The following PDE4C variants were observed in gnomAD, a reference collection of about 807,000 sequenced individuals.
PDE4C encodes the protein phosphodiesterase 4C.
Under a neutral mutation model 63.9 loss-of-function variants are expected in PDE4C, and 50 were observed. The ratio of observed to expected loss-of-function variants is 0.78; its 90% CI spans 0.62 to 0.99. PDE4C has a LOEUF of 0.99. Among genes scored for constraint, PDE4C ranks in the 50% least tolerant of loss-of-function variants. PDE4C has a pLI of 0.00. For synonymous variants in PDE4C, 377 were observed against 385.1 expected (o/e 0.98, Z 0.25); for missense variants, 777 against 899.1 (o/e 0.86, Z 1.74).
chr19:18,218,577 C>G, intron 9 of PDE4C, 79 bp from the exon 10 acceptor site: 2 of 1,513,406 alleles, frequency 1.3e-6, no homozygotes, highest in South Asian at 2.3e-5. Context: ...CTCTTCTGAA[C>G]TCCTATCTAT....
At chr19:18,228,969 C>A (rs1054005481), upstream of PDE4C, among the ~76,000 whole-genome samples, 11 of 152,094 alleles carry the variant, frequency 7.2e-5, no homozygotes, top group South Asian at 2.3e-3. Context: ...GAGTTTTGCT[C>A]CTGTTGCCCA....
downstream of PDE4C, chr19:18,208,625 G>C (rs1265474657): frequency 2.6e-5 from 4 of 152,202 alleles, no homozygotes; most frequent in Non-Finnish European, 4.4e-5. Flanking sequence ...GAAATGGCCA[G>C]GACACTCAAT....
intron 1 of PDE4C, among the ~76,000 whole-genome samples, chr19:18,239,381 T>C (rs1414243325): frequency 6.6e-6 from 1 of 152,020 alleles, no homozygotes; most frequent in East Asian, 1.9e-4. Context: ...GCGTTGGGAG[T>C]GTGAGCTCTT....
At chr19:18,216,011 G>C (rs1277218385) in intron 12 of PDE4C, among the ~76,000 whole-genome samples, 1 of 151,152 alleles carries the variant, frequency 6.6e-6, no homozygotes, top group Non-Finnish European at 1.5e-5. Flanking sequence ...TGTATTTTTA[G>C]TAAAAACAGG....
intron 1 of PDE4C, among the ~76,000 whole-genome samples, chr19:18,239,552 C>A (rs1277535621): frequency 6.6e-6 from 1 of 152,166 alleles, no homozygotes; most frequent in Non-Finnish European, 1.5e-5. Flanking sequence ...TGTGTGCTGT[C>A]CGCGGTGCTG....
At chr19:18,226,381 CCGGGGACCGGGGCGGGCG>C (rs1330666607) in exon 1 of PDE4C, 52 of 1,468,030 alleles carry the variant, frequency 3.5e-5, no homozygotes, top group Non-Finnish European at 4.6e-5. Context: ...GGAGCCGGGC[CCGGGGACCGGGGCGGGCG>C]CGGGGGGGCC....
chr19:18,213,369 T>C (rs1183496503), exon 13 of PDE4C: 1 of 1,612,756 alleles, frequency 6.2e-7, no homozygotes, highest in African/African-American at 1.3e-5. Context: ...GCTACACACC[T>C]GGATTCGGTC....
chr19:18,219,319 T>C (rs768494960), exon 8 of PDE4C: 11 of 1,613,960 alleles, frequency 6.8e-6, no homozygotes, highest in Admixed American at 1.7e-5. Context: ...GCAGAGCCCA[T>C]GTAGGCCACT....
Position 18,220,456 on chromosome 19 carries a change from G to A in PDE4C, c.559C>T (p.Gln187Ter). The change falls in exon 6 of 15, where the codon CAG becomes TAG. Residue 187 changes from glutamine to a stop codon, truncating the protein, a stop_gained. Coordinates refer to ENST00000262805, the Ensembl canonical transcript of PDE4C. LOFTEE classifies it high-confidence loss of function. The surrounding 1 kb of genome is among the most constrained non-coding windows in gnomAD (Gnocchi z 5.1). ...TGCCGGGTCTGCAGCGTCTCCAACT[G>A]ATCCAGGCACCAGTCCAGCTCGTCT... 2 of 1,614,132 alleles carry A rather than the reference G, an allele frequency of 1.2e-6. No individual in the cohort carries two copies. Among genetic ancestry groups the A allele is most frequent in the Non-Finnish European group, 1.7e-6 (2 of 1,180,026 alleles).
chr19:18,225,860 G>A (rs1968697816), intron 1 of PDE4C: 1 of 176,522 alleles, frequency 5.7e-6, no homozygotes, highest in Non-Finnish European at 1.2e-5. Context: ...GATGCTGGTG[G>A]GAGGGGGCAC....
At chr19:18,247,165 G>A (rs537976518) in intron 1 of PDE4C, among the ~76,000 whole-genome samples, 73 of 152,342 alleles carry the variant, frequency 4.8e-4, no homozygotes, top group Middle Eastern at 3.4e-3. Flanking sequence ...AGGCACAAGG[G>A]ATCTCCTGCT....
intron 1 of PDE4C, among the ~76,000 whole-genome samples, chr19:18,232,555 C>T (rs1450821454): frequency 6.6e-6 from 1 of 152,040 alleles, no homozygotes; most frequent in Non-Finnish European, 1.5e-5. Context: ...GACAGTCACA[C>T]TCAGCCACAT....
exon 1 of PDE4C, chr19:18,233,198 G>A (rs1244634523): frequency 3.9e-6 from 6 of 1,557,216 alleles, no homozygotes; most frequent in Non-Finnish European, 4.3e-6. Context: ...CCATGCGCCA[G>A]AGAAAGGGGT....
chr19:18,251,530 G>C (rs191826261), upstream of PDE4C, among the ~76,000 whole-genome samples: 30 of 151,794 alleles, frequency 2.0e-4, no homozygotes, highest in East Asian at 5.2e-3. Flanking sequence ...TGCCGCCTGG[G>C]TTCAAGCGAT....
At chr19:18,214,301 C>T (rs1968096964) in intron 12 of PDE4C, among the ~76,000 whole-genome samples, 1 of 151,772 alleles carries the variant, frequency 6.6e-6, no homozygotes, top group South Asian at 2.1e-4. Context: ...GTTGACCCTT[C>T]TGGCCTCCTC....
chr19:18,252,154 A>T (rs1431591342), upstream of PDE4C: 1 of 399,074 alleles, frequency 2.5e-6, no homozygotes, highest in Non-Finnish European at 4.4e-6. Context: ...GGGGTCAGGG[A>T]TTCGGAACTG....
exon 2 of PDE4C, chr19:18,222,230 C>T (rs144076818): frequency 1.2e-4 from 201 of 1,614,084 alleles, no homozygotes; most frequent in Non-Finnish European, 1.6e-4. Context: ...GCTGGCTGTG[C>T]GGGACTGGAG....
intron 9 of PDE4C, 130 bp downstream of exon 9, chr19:18,218,810 C>T (rs1181265334): frequency 3.8e-6 from 3 of 791,950 alleles, no homozygotes; most frequent in South Asian, 2.8e-5. Context: ...CCTTCAATAC[C>T]CTGCTCAAAT....
intron 1 of PDE4C, among the ~76,000 whole-genome samples, chr19:18,239,590 C>T (rs1969006123): frequency 6.6e-6 from 1 of 152,200 alleles, no homozygotes; most frequent in African/African-American, 2.4e-5. Flanking sequence ...AAAACTGGAA[C>T]TCACAGCTTT....
Sources: gnomAD v4.1 joint callset for allele counts (sites outside exome capture counted in the v4.1 genomes callset) on GRCh38, gnomAD v4.1.1 for gene constraint, Gnocchi (gnomAD v3.1) non-coding constraint, MANE v1.5 for transcripts, NCBI Gene and HGNC (gene_info 2026-07-23, HGNC 2026-07-21) for gene names.